WDR11: variants seen among roughly 807,000 people sequenced by gnomAD.
WDR11 encodes the protein WD repeat domain 11.
A neutral mutation model predicts 151.2 loss-of-function variants in WDR11; 83 were observed. That is an observed-to-expected ratio of 0.55 (90% CI 0.46 to 0.66). The LOEUF (loss-of-function observed/expected upper bound fraction) is 0.66. Ranked by LOEUF, WDR11 falls within the 30% of genes least tolerant of loss-of-function variation. The pLI, the probability that WDR11 is intolerant of heterozygous loss-of-function variation, is 0.00. For missense variants in WDR11, 1,301 were observed against 1,480.9 expected (o/e 0.88, Z 1.99); for synonymous variants, 484 against 533.1 (o/e 0.91, Z 1.27).
intron 17 of WDR11, chr10:120,889,531 CACCCGGCCAAAAA>C: frequency 2.5e-6 from 1 of 397,476 alleles, no homozygotes; most frequent in Non-Finnish European, 4.7e-6. Flanking sequence ...GGAGCCAGCA[CACCCGGCCAAAAA>C]ATGACATCTT....
chr10:120,880,767 T>C (rs1846974003), intron 12 of WDR11, 59 bp from the exon 13 acceptor site: 1 of 1,456,620 alleles, frequency 6.9e-7, no homozygotes, highest in Non-Finnish European at 9.5e-7. Flanking sequence ...GCGTGGCTTC[T>C]TGTTTTTCAT....
intron 19 of WDR11, 92 bp from the exon 20 acceptor site, chr10:120,899,937 T>C (rs763422984): frequency 1.7e-5 from 18 of 1,041,506 alleles, no homozygotes; most frequent in Non-Finnish European, 2.7e-5. Flanking sequence ...CCTGTTGCTC[T>C]CTGCTGACTG....
chr10:120,865,242 A>C (rs773237821), intron 6 of WDR11, 30 bp downstream of exon 6: 53 of 1,604,322 alleles, frequency 3.3e-5, no homozygotes, highest in Non-Finnish European at 4.0e-5. Flanking sequence ...TATATTCCCC[A>C]AAATTATTAA....
In WDR11 at chr10:120,909,260, G is replaced by GCTAAGTTTTGTAAT. The variant is rs1848197044; in HGVS notation, c.*548_*561dup. 6.4e-6 allele frequency: 1 copy of GCTAAGTTTTGTAAT among 155,596 alleles called. No individual in the cohort carries two copies. Among genetic ancestry groups the GCTAAGTTTTGTAAT allele is most frequent in the Non-Finnish European group, 1.4e-5 (1 of 69,948 alleles). 9.6% of individuals were successfully genotyped at this position (155,596 alleles called of 1,614,324 possible). A position where few individuals can be genotyped will look rare whatever the true frequency, so the allele number is the denominator to read the frequency against. On this transcript the variant is annotated 3_prime_UTR_variant, in exon 29 of 29. Coordinates refer to ENST00000263461, the MANE Select transcript of WDR11 (RefSeq NM_018117.12). ...CGTTAATTCCTTGGTTTAAGCAGTT[G>GCTAAGTTTTGTAAT]CTAAGTTTTGTAATTTTAGGCTCAG...
intron 17 of WDR11, chr10:120,889,558 AT>A (rs1051276283): frequency 6.3e-5 from 26 of 411,288 alleles, no homozygotes; most frequent in African/African-American, 4.9e-4. Context: ...ACATCTTGAT[AT>A]GGTTCCATTA....
At chr10:120,885,338 T>C (rs4626994) in intron 14 of WDR11, among the ~76,000 whole-genome samples, 56,330 of 150,964 alleles carry the variant, frequency 0.37, 10,569 homozygotes, top group Admixed American at 0.44. Context: ...TTTAGGTAAA[T>C]TAGATAATAA....
intron 9 of WDR11, among the ~76,000 whole-genome samples, chr10:120,868,052 A>G (rs1419879537): frequency 6.6e-6 from 1 of 152,184 alleles, no homozygotes; most frequent in Admixed American, 6.5e-5. Flanking sequence ...GCTATGGTTT[A>G]TAAAGGATTT....
Position 120,890,892 on chromosome 10 carries a change from G to A in WDR11, c.2515+5G>A. The A allele has an allele frequency of 6.2e-7, 1 of 1,614,100 alleles. No individual in the cohort carries two copies. ...TGGATGAACAAGAGTTAACCGGTATGGAATCCTAATGATAGGGGGCTTTGA... is the reference window on the plus strand; with the variant it reads ...TGGATGAACAAGAGTTAACCGGTATAGAATCCTAATGATAGGGGGCTTTGA... On this transcript the variant is annotated splice_donor_5th_base_variant and intron_variant, in intron 19 of 28. Transcript: ENST00000263461.
intron 9 of WDR11, among the ~76,000 whole-genome samples, chr10:120,868,183 G>A (rs1456652206): frequency 1.4e-4 from 21 of 152,186 alleles, no homozygotes; most frequent in Admixed American, 1.2e-3. Flanking sequence ...GCCAGGCGCA[G>A]TGACTCACGC....
chr10:120,852,213 T>A (rs1590047393), intron 1 of WDR11: 1 of 352,146 alleles, frequency 2.8e-6, no homozygotes, highest in Admixed American at 4.3e-5. Context: ...GGATTAGAAA[T>A]CGGATAAGCG....
At chr10:120,908,423 T>G in intron 28 of WDR11, 133 bp from the exon 29 acceptor site, 4 of 908,250 alleles carry the variant, frequency 4.4e-6, no homozygotes, top group Non-Finnish European at 7.2e-6. Context: ...CATCCTGTGC[T>G]GCCCGCTGTG....
At chr10:120,893,305 A>G (rs10886794) in intron 19 of WDR11, among the ~76,000 whole-genome samples, 56,479 of 151,672 alleles carry the variant, frequency 0.37, 10,610 homozygotes, top group Admixed American at 0.44. Flanking sequence ...GAGAATGATG[A>G]TTTCCAGCTT....
In WDR11 at chr10:120,889,916, T is replaced by A; in HGVS notation, c.2250T>A (p.Ser750Arg). 5.6e-6 allele frequency: 9 copies of A among 1,613,642 alleles called. No individual in the cohort carries two copies. Among genetic ancestry groups the A allele is most frequent in the Non-Finnish European group, 7.6e-6 (9 of 1,179,600 alleles). Residue 750 changes from serine to arginine, a missense_variant, in exon 18 of 29, where the codon AGT becomes AGA. Coordinates refer to ENST00000263461, the MANE Select transcript of WDR11 (RefSeq NM_018117.12). The stretch of plus-strand genomic sequence containing the variant: ...TCAGAGGAATACCCACACACCGAAG[T>A]TGGGTGAGGAAGATTCGTTTTGCTC... ...RVSRGIPTHR[S>R]WVRKIRFAPG...
Position 120,862,842 on chromosome 10 carries a change from CAT to C in WDR11, c.636_637del (p.His212GlnfsTer15). 1 of 1,613,932 alleles carries C rather than the reference CAT, an allele frequency of 6.2e-7. No homozygotes were observed. The highest frequency in any genetic ancestry group is 8.5e-7 in the Non-Finnish European group (1 of 1,179,848). The part of the protein sequence containing the change: ...YISSPHSSPA[H>X]NKLATATGAK... ...ATCCAGCCCACACTCTAGCCCAGCT[CAT>C]AACAAGCTGGCCACAGCCACAGGTG... On this transcript the variant is annotated frameshift_variant, in exon 5 of 29. Coordinates refer to ENST00000263461, the MANE Select transcript of WDR11 (RefSeq NM_018117.12). LOFTEE classifies it high-confidence loss of function.
At chr10:120,854,206 G>C (rs756768980) in intron 2 of WDR11, among the ~76,000 whole-genome samples, 1 of 151,964 alleles carries the variant, frequency 6.6e-6, no homozygotes, top group Non-Finnish European at 1.5e-5. Context: ...TCATCCTTTG[G>C]CAACCACTGA....
In WDR11 at chr10:120,890,707, C is replaced by A; in HGVS notation, c.2344-9C>A. 1 of 1,614,152 alleles carries A rather than the reference C, an allele frequency of 6.2e-7. No individual in the cohort carries two copies. Among genetic ancestry groups the A allele is most frequent in the Non-Finnish European group, 8.5e-7 (1 of 1,180,028 alleles). On this transcript the variant is annotated splice_polypyrimidine_tract_variant and intron_variant, in intron 18 of 28. Transcript: ENST00000263461. The stretch of plus-strand genomic sequence containing the variant: ...TGTCTGGAAGTGATGCCCAAATTCA[C>A]TCTTGAAGGTTCAGATGGTGAGCAG...
chr10:120,906,895 GT>G (rs1206526162), intron 28 of WDR11, 40 bp downstream of exon 28: 1 of 1,613,978 alleles, frequency 6.2e-7, no homozygotes, highest in Admixed American at 1.7e-5. Context: ...GAGGAAGAAA[GT>G]GACATGCATG....
At chr10:120,899,820 A>T in intron 19 of WDR11, 1 of 587,702 alleles carries the variant, frequency 1.7e-6, no homozygotes. Flanking sequence ...AAAGGGGGAA[A>T]AGAAAAATAT....
rs41287988 is a variant in WDR11, at chr10:120,908,919, C to T, written c.*206C>T. 15 of 600,790 alleles carry T rather than the reference C, an allele frequency of 2.5e-5. No homozygotes were observed. Among genetic ancestry groups the T allele is most frequent in the Middle Eastern group, 4.5e-4 (1 of 2,242 alleles). 37.2% of individuals were successfully genotyped at this position (600,790 alleles called of 1,614,324 possible). Reference sequence around the variant, plus strand: ...TATCCTGCGTTGGTCTCAGAAAGAACGTGAATGCTTAAGATTTTGAAAGTA... The same window carrying T: ...TATCCTGCGTTGGTCTCAGAAAGAATGTGAATGCTTAAGATTTTGAAAGTA... On this transcript the variant is annotated 3_prime_UTR_variant, in exon 29 of 29. Transcript: ENST00000263461.
Sources: allele counts gnomAD v4.1 joint callset (sites outside exome capture counted in the v4.1 genomes callset), GRCh38; gene constraint gnomAD v4.1.1; transcripts MANE v1.5; gene names NCBI Gene and HGNC (gene_info 2026-07-23, HGNC 2026-07-21).